The following ADAM23 variants were observed in gnomAD, a reference collection of about 807,000 sequenced individuals.
ADAM23 encodes disintegrin and metalloproteinase domain-containing protein 23.
A neutral mutation model predicts 120.1 loss-of-function variants in ADAM23; 33 were observed. The observed-to-expected ratio is 0.27, with a 90% CI of 0.21 to 0.37. The LOEUF is 0.37. ADAM23 is among the 10% of genes least tolerant of loss of function. ADAM23 has a pLI of 1.00. For missense variants in ADAM23, 862 were observed against 1,058.2 expected (o/e 0.81, Z 2.57); for synonymous variants, 367 against 375.2 (o/e 0.98, Z 0.25).
chr2:206,505,690 C>G (rs1696483142), intron 3 of ADAM23, among the ~76,000 whole-genome samples: 1 of 152,192 alleles, frequency 6.6e-6, no homozygotes, highest in Non-Finnish European at 1.5e-5. Context: ...TCACTTTCCA[C>G]AAGGCCCTAC....
At chr2:206,571,085 ACATT>A (rs1372663392) in intron 16 of ADAM23, among the ~76,000 whole-genome samples, 1 of 152,212 alleles carries the variant, frequency 6.6e-6, no homozygotes, top group African/African-American at 2.4e-5. Flanking sequence ...AAATCGTAAA[ACATT>A]CTTTCCGTGT....
chr2:206,501,211 C>A (rs140594164), intron 3 of ADAM23, among the ~76,000 whole-genome samples: 195 of 152,174 alleles, frequency 1.3e-3, no homozygotes, highest in Non-Finnish European at 2.4e-3. Context: ...CTTTAAATGT[C>A]CTGCAATCTA....
chr2:206,503,898 G>C lies in ADAM23; in HGVS notation c.509+22590G>C, dbSNP rs1049575827. The stretch of plus-strand genomic sequence containing the variant: ...CTTCACTAACACAGTTGTCTGTGCT[G>C]CAACTACGTAAATTTTGACCTAATT... On this transcript the variant is annotated intron_variant, in intron 3 of 25. Transcript: ENST00000264377. Among the ~76,000 whole-genome samples, 7 of 152,110 alleles carry C rather than the reference G, an allele frequency of 4.6e-5. No individual in the cohort carries two copies. The South Asian group carries it at 1.5e-3, about 32-fold the overall frequency.
chr2:206,530,395 T>C (rs149979953), intron 3 of ADAM23, among the ~76,000 whole-genome samples: 2 of 152,330 alleles, frequency 1.3e-5, no homozygotes, highest in East Asian at 1.9e-4. Flanking sequence ...GGTGATTACA[T>C]TTTATGACAT....
intron 25 of ADAM23, among the ~76,000 whole-genome samples, chr2:206,616,383 G>A (rs966382889): frequency 1.3e-5 from 2 of 152,172 alleles, no homozygotes; most frequent in African/African-American, 4.8e-5. Flanking sequence ...TACCTGCTAG[G>A]CCAATGAGTC....
At chr2:206,447,040 T>G (rs992975323) in intron 2 of ADAM23, among the ~76,000 whole-genome samples, 4 of 152,206 alleles carry the variant, frequency 2.6e-5, no homozygotes, top group African/African-American at 9.6e-5. Flanking sequence ...AAAGCCTGTT[T>G]CAAAGAATGC....
At chr2:206,458,417 T>G (rs1695344396) in intron 2 of ADAM23, among the ~76,000 whole-genome samples, 2 of 152,214 alleles carry the variant, frequency 1.3e-5, no homozygotes, top group Admixed American at 6.5e-5. Flanking sequence ...TCTTTCTGGT[T>G]GTATGGCTGC....
intron 2 of ADAM23, among the ~76,000 whole-genome samples, chr2:206,446,534 T>C (rs1410238220): frequency 6.6e-6 from 1 of 152,196 alleles, no homozygotes; most frequent in Non-Finnish European, 1.5e-5. Flanking sequence ...GTGGTAACAG[T>C]ATTTATCCCC....
intron 23 of ADAM23, among the ~76,000 whole-genome samples, chr2:206,595,726 T>A (rs931083245): frequency 2.6e-5 from 4 of 152,196 alleles, no homozygotes; most frequent in Non-Finnish European, 5.9e-5. Context: ...TATCAGACAT[T>A]TGTATACTTA....
intron 18 of ADAM23, among the ~76,000 whole-genome samples, chr2:206,581,647 TC>T (rs1703449219): frequency 6.6e-6 from 1 of 152,208 alleles, no homozygotes; most frequent in Admixed American, 6.5e-5. Flanking sequence ...TATCATATGG[TC>T]TATCTTGGAG....
chr2:206,567,687 C>G (rs1697916790), intron 15 of ADAM23, among the ~76,000 whole-genome samples: 1 of 152,178 alleles, frequency 6.6e-6, no homozygotes, highest in African/African-American at 2.4e-5. Flanking sequence ...ACTAATTTCT[C>G]TGATAAAAAT....
At chr2:206,448,427 G>T (rs1162468084) in intron 2 of ADAM23, among the ~76,000 whole-genome samples, 3 of 152,218 alleles carry the variant, frequency 2.0e-5, no homozygotes, top group African/African-American at 7.2e-5. Flanking sequence ...GTGTGATATT[G>T]TGAAATGTAT....
chr2:206,446,383 G>C (rs1206332975), intron 2 of ADAM23, among the ~76,000 whole-genome samples: 2 of 152,194 alleles, frequency 1.3e-5, no homozygotes, highest in Admixed American at 1.3e-4. Flanking sequence ...AATAGAGTCT[G>C]TATGTTAAAT....
At chr2:206,458,207 G>A (rs10932152) in intron 2 of ADAM23, among the ~76,000 whole-genome samples, 1,719 of 73,848 alleles carry the variant, frequency 0.023, 20 homozygotes, top group Non-Finnish European at 0.03. Flanking sequence ...GCCCCTCTAA[G>A]CCCCAGCTTC....
In ADAM23 at chr2:206,620,522, C is replaced by T. The variant is rs921494529; in HGVS notation, c.*2895C>T. On this transcript the variant is annotated 3_prime_UTR_variant, in exon 26 of 26. Transcript: ENST00000264377. ...GCCATTCATTTGCTAATTTTTGTGGCGTGGAGATTCTTTTTTATTAATTTG... is the reference window on the plus strand; with the variant it reads ...GCCATTCATTTGCTAATTTTTGTGGTGTGGAGATTCTTTTTTATTAATTTG... 1.1e-4 allele frequency: 17 copies of T among 151,928 alleles called. No homozygotes were observed. Among genetic ancestry groups the T allele is most frequent in the Admixed American group, 3.3e-4 (5 of 15,238 alleles). The allele number at this position is 151,928 out of a possible 1,614,324, so 9.4% of individuals were successfully genotyped here. A position where few individuals can be genotyped will look rare whatever the true frequency, so the allele number is the denominator to read the frequency against.
chr2:206,572,417 C>A (rs1485726377), intron 17 of ADAM23, among the ~76,000 whole-genome samples: 1 of 152,102 alleles, frequency 6.6e-6, no homozygotes, highest in Admixed American at 6.5e-5. Flanking sequence ...ATATATATAA[C>A]CTCTAATATT....
At chr2:206,482,483 C>T (rs965905424) in intron 3 of ADAM23, among the ~76,000 whole-genome samples, 3 of 152,124 alleles carry the variant, frequency 2.0e-5, no homozygotes, top group East Asian at 1.9e-4. Context: ...GCGAGATGAT[C>T]GCAACCAACC....
At position 206,620,928 on chromosome 2, in the gene ADAM23, CCAT is replaced by C. The variant is rs1348219212; in HGVS notation, c.*3305_*3307del. 5 of 152,226 alleles carry C rather than the reference CCAT, an allele frequency of 3.3e-5. No individual in the cohort carries two copies. In the East Asian group the frequency reaches 9.7e-4, roughly 29 times the overall value. 9.4% of individuals were successfully genotyped at this position (152,226 alleles called of 1,614,324 possible). A position where few individuals can be genotyped will look rare whatever the true frequency, so the allele number is the denominator to read the frequency against. ...CTTGAACCCTTTCTTTAAAGTTATC[CCAT>C]CATGTTTTATAGTCATTGTTGCTTC... On this transcript the variant is annotated 3_prime_UTR_variant, in exon 26 of 26. Transcript: ENST00000264377.
chr2:206,541,012 G>A (rs931835793), intron 4 of ADAM23, among the ~76,000 whole-genome samples: 3 of 148,760 alleles, frequency 2.0e-5, no homozygotes, highest in Non-Finnish European at 3.0e-5. Context: ...TTAAAAAGCT[G>A]CCCAGAACTG....
Sources: gnomAD v4.1 joint callset for allele counts (sites outside exome capture counted in the v4.1 genomes callset) on GRCh38, gnomAD v4.1.1 for gene constraint, MANE v1.5 for transcripts, NCBI Gene and HGNC (gene_info 2026-07-23, HGNC 2026-07-21) for gene names.